ATP10D: variants seen among roughly 807,000 people sequenced by gnomAD.
ATP10D encodes phospholipid-transporting ATPase VD.
A neutral mutation model predicts 144.8 loss-of-function variants in ATP10D; 89 were observed. That is an observed-to-expected ratio of 0.61 (90% CI 0.52 to 0.73). ATP10D has a LOEUF of 0.73. Among genes scored for constraint, ATP10D ranks in the 30% least tolerant of loss-of-function variants. The pLI, the probability that ATP10D is intolerant of heterozygous loss-of-function variation, is 0.00. For synonymous variants in ATP10D, 571 were observed against 615.1 expected, an observed-to-expected ratio of 0.93 and a Z score of 1.06; for missense variants, 1,603 against 1,714.8, an observed-to-expected ratio of 0.93 and a Z score of 1.15.
intron 1 of ATP10D, among the ~76,000 whole-genome samples, chr4:47,510,645 TAGTC>T (rs770962564): frequency 5.3e-5 from 8 of 152,184 alleles, no homozygotes; most frequent in Non-Finnish European, 7.3e-5. Flanking sequence ...GTGAGGTTAT[TAGTC>T]AGACACACCA....
chr4:47,489,901 C>A (rs1464178167), intron 1 of ATP10D, among the ~76,000 whole-genome samples: 1 of 152,144 alleles, frequency 6.6e-6, no homozygotes, highest in Non-Finnish European at 1.5e-5. Context: ...TCCTTAATTT[C>A]TTTTTCTAAA....
chr4:47,584,507 C>T (rs535673752), intron 21 of ATP10D, among the ~76,000 whole-genome samples: 1 of 152,162 alleles, frequency 6.6e-6, no homozygotes, highest in Non-Finnish European at 1.5e-5. Context: ...ATTCTTCTGC[C>T]TCAGCCTCCC....
intron 1 of ATP10D, among the ~76,000 whole-genome samples, chr4:47,498,187 G>A (rs1326966695): frequency 6.6e-6 from 1 of 152,198 alleles, no homozygotes; most frequent in Non-Finnish European, 1.5e-5. Context: ...GAAATACTCT[G>A]TTCTTTCCAC....
At chr4:47,556,765 C>G (rs908201228) in intron 11 of ATP10D, 1 of 152,088 alleles carries the variant, frequency 6.6e-6, no homozygotes, top group Non-Finnish European at 1.5e-5. Flanking sequence ...ATTTATTGAG[C>G]ATTTCTGAAT....
chr4:47,546,809 G>A lies in ATP10D; in HGVS notation c.1582G>A (p.Glu528Lys). ...GAGCTCTTTTACTCTAGGAAGTGGA[G>A]AAGGAGCCAGTGAAGTGCCTCATTC... ...AGSSFTLGSG[E>K]GASEVPHSRQ... Residue 528 changes from glutamate (E) to lysine (K), a missense_variant, in exon 10 of 23, where the codon GAA becomes AAA. By Grantham distance (56) the Glu-to-Lys change is moderately conservative. Transcript: ENST00000273859. 1 of 1,613,492 alleles carries A rather than the reference G, an allele frequency of 6.2e-7. No individual in the cohort carries two copies. The highest frequency in any genetic ancestry group is 8.5e-7 in the Non-Finnish European group (1 of 1,179,972).
rs772948636 is a variant in ATP10D, at chr4:47,558,987, C to G, written c.2499C>G (p.Asp833Glu). Residue 833 changes from aspartate to glutamate, a missense_variant, in exon 13 of 23, where the codon GAC becomes GAG. Physicochemically the swap from Asp to Glu is conservative, Grantham distance 45 (BLOSUM62 2). Transcript: ENST00000273859. Reference protein sequence around the residue: ...VREKTQKHLDDYAKQGLRTLC... With the variant: ...VREKTQKHLDEYAKQGLRTLC... ...AGAAAACCCAGAAGCACTTGGATGA[C>G]TATGCCAAACAAGGCCTTCGTACTT... 4.3e-6 allele frequency: 7 copies of G among 1,614,162 alleles called. No individual in the cohort carries two copies. The Admixed American group carries it at 1.0e-4, about 23-fold the overall frequency.
chr4:47,565,115 C>G (rs969991704), intron 15 of ATP10D, among the ~76,000 whole-genome samples: 2 of 152,148 alleles, frequency 1.3e-5, no homozygotes, highest in African/African-American at 4.8e-5. Flanking sequence ...CCCGACACCA[C>G]GCCCGGCTAA....
chr4:47,582,602 A>G (rs1401617759), intron 21 of ATP10D, among the ~76,000 whole-genome samples: 1 of 152,060 alleles, frequency 6.6e-6, no homozygotes, highest in Non-Finnish European at 1.5e-5. Context: ...GAACCACCTT[A>G]TCCCTCTTTC....
intron 14 of ATP10D, among the ~76,000 whole-genome samples, chr4:47,562,887 C>T (rs1719398561): frequency 6.6e-6 from 1 of 151,844 alleles, no homozygotes; most frequent in Admixed American, 6.6e-5. Context: ...CCCACTCAGC[C>T]ATAAAAAAGA....
Position 47,572,852 on chromosome 4 carries a change from T to A in ATP10D, c.3241-20T>A. 7 of 1,614,020 alleles carry A rather than the reference T, an allele frequency of 4.3e-6. No individual in the cohort carries two copies. The highest frequency in any genetic ancestry group is 5.9e-6 in the Non-Finnish European group (7 of 1,179,934). On this transcript the variant is annotated intron_variant, in intron 17 of 22. Transcript: ENST00000273859. ...TGTTTGATCACTCAGGATGGCATTCTCTCCCCATTGCATCTGCAGGCTGTG... is the reference window on the plus strand; with the variant it reads ...TGTTTGATCACTCAGGATGGCATTCACTCCCCATTGCATCTGCAGGCTGTG...
At chr4:47,589,253 A>AT (rs1284307323) in intron 22 of ATP10D, among the ~76,000 whole-genome samples, 2 of 152,126 alleles carry the variant, frequency 1.3e-5, no homozygotes, top group African/African-American at 4.8e-5. Flanking sequence ...TAATTTCATA[A>AT]TTTTTTGCCT....
chr4:47,542,060 A>G (rs1434181662), intron 9 of ATP10D, among the ~76,000 whole-genome samples: 2 of 144,286 alleles, frequency 1.4e-5, no homozygotes, highest in Admixed American at 7.0e-5. Flanking sequence ...AACGATTTGG[A>G]TAAGTTTTAT....
chr4:47,566,256 ACCTTTTACT>A (rs1488343521), intron 15 of ATP10D, among the ~76,000 whole-genome samples: 1 of 152,240 alleles, frequency 6.6e-6, no homozygotes, highest in Non-Finnish European at 1.5e-5. Context: ...TGCAAACTTT[ACCTTTTACT>A]CTCATAAAAG....
At chr4:47,551,318 A>G (rs1312413447) in intron 10 of ATP10D, among the ~76,000 whole-genome samples, 1 of 152,238 alleles carries the variant, frequency 6.6e-6, no homozygotes, top group Admixed American at 6.5e-5. Flanking sequence ...CAAGATTGGG[A>G]CAAAGATACT....
intron 5 of ATP10D, among the ~76,000 whole-genome samples, chr4:47,528,803 T>A (rs1159762398): frequency 2.0e-5 from 3 of 152,106 alleles, no homozygotes. Flanking sequence ...TTTCTCTGCA[T>A]CCTTGCCAAC....
intron 9 of ATP10D, among the ~76,000 whole-genome samples, chr4:47,545,899 G>C (rs1028713054): frequency 3.3e-5 from 5 of 152,100 alleles, no homozygotes; most frequent in Non-Finnish European, 5.9e-5. Context: ...TTCAAAGATG[G>C]GACCAGTTGA....
At chr4:47,517,228 A>G (rs1398402152) in intron 3 of ATP10D, among the ~76,000 whole-genome samples, 1 of 152,206 alleles carries the variant, frequency 6.6e-6, no homozygotes, top group East Asian at 1.9e-4. Context: ...AGCCTGGGCA[A>G]CATGGCAAAA....
At chr4:47,547,701 G>T (rs1217734400) in intron 10 of ATP10D, 1 of 152,082 alleles carries the variant, frequency 6.6e-6, no homozygotes. Flanking sequence ...TTTCTACATT[G>T]AATTTATCAT....
At chr4:47,498,986 A>G (rs979083048) in intron 1 of ATP10D, among the ~76,000 whole-genome samples, 4 of 152,112 alleles carry the variant, frequency 2.6e-5, no homozygotes, top group Non-Finnish European at 4.4e-5. Context: ...GCCAGTTCAA[A>G]TATATATTTT....
Sources: gnomAD v4.1 joint callset for allele counts (sites outside exome capture counted in the v4.1 genomes callset) on GRCh38, gnomAD v4.1.1 for gene constraint, MANE v1.5 for transcripts, NCBI Gene and HGNC (gene_info 2026-07-23, HGNC 2026-07-21) for gene names.